LAMA1: variants seen among roughly 807,000 people sequenced by gnomAD.
LAMA1 encodes laminin subunit alpha-1.
In LAMA1, 219 loss-of-function variants were observed where a neutral mutation model predicts 348.7. That is an observed-to-expected ratio of 0.63 (90% confidence interval 0.56 to 0.70). The LOEUF (loss-of-function observed/expected upper bound fraction) is 0.70. LAMA1 is among the 30% of genes least tolerant of loss of function. The probability of loss-of-function intolerance (pLI) is 0.00; values close to 1 mark genes in which losing one functional copy is unlikely to be tolerated. For synonymous variants in LAMA1, 1,487 were observed against 1,491.0 expected (o/e 1.00, Z 0.06); for missense variants, 3,744 against 3,888.0 (o/e 0.96, Z 0.99).
intron 1 of LAMA1, among the ~76,000 whole-genome samples, chr18:7,081,895 T>C (rs913133711): frequency 2.6e-5 from 4 of 152,190 alleles, no homozygotes; most frequent in African/African-American, 9.6e-5. Context: ...GAAATGTTTA[T>C]TTTTCAGTGA....
At chr18:6,994,677 A>G (rs942762529) in intron 34 of LAMA1, among the ~76,000 whole-genome samples, 18 of 26,734 alleles carry the variant, frequency 6.7e-4, no homozygotes, top group African/African-American at 1.8e-3. Flanking sequence ...GTACAGACAC[A>G]CACACACACA....
chr18:6,990,460 A>C (rs1252581525), intron 36 of LAMA1, among the ~76,000 whole-genome samples: 1 of 152,070 alleles, frequency 6.6e-6, no homozygotes, highest in Non-Finnish European at 1.5e-5. Flanking sequence ...GAGGAAGGTT[A>C]GGGAGCAGAG....
chr18:7,115,102 G>C (rs776830441), intron 1 of LAMA1, among the ~76,000 whole-genome samples: 11 of 152,124 alleles, frequency 7.2e-5, no homozygotes, highest in Non-Finnish European at 1.5e-4. Context: ...CAACTGCTAC[G>C]ATCAATATTT....
chr18:7,049,669 A>G (rs781277307), intron 4 of LAMA1, among the ~76,000 whole-genome samples: 1 of 152,222 alleles, frequency 6.6e-6, no homozygotes, highest in East Asian at 1.9e-4. Flanking sequence ...TCTTTTAGAG[A>G]TACCATCTAA....
chr18:7,076,227 G>T (rs755874885), intron 3 of LAMA1, among the ~76,000 whole-genome samples: 2 of 152,122 alleles, frequency 1.3e-5, no homozygotes, highest in Non-Finnish European at 2.9e-5. Context: ...ATGTCAGTGA[G>T]ATCTAAGAAA....
intron 48 of LAMA1, among the ~76,000 whole-genome samples, chr18:6,970,023 G>A (rs547660104): frequency 6.6e-6 from 1 of 152,262 alleles, no homozygotes; most frequent in African/African-American, 2.4e-5. Context: ...CTTTCTAACA[G>A]TGAGGTTAAT....
In LAMA1 at chr18:6,942,007, G is replaced by C; in HGVS notation, c.*72C>G. 1 of 1,565,364 alleles carries C rather than the reference G, an allele frequency of 6.4e-7. No individual in the cohort carries two copies. Among genetic ancestry groups the C allele is most frequent in the Non-Finnish European group, 8.8e-7 (1 of 1,138,930 alleles). ...TTGGAAATGAAATATGAACTGAAGA[G>C]ATTCTTAATTCACACATACACTTCT... On this transcript the variant is annotated 3_prime_UTR_variant, in exon 63 of 63. Transcript: ENST00000389658.
intron 53 of LAMA1, chr18:6,960,329 T>G (rs760801097): frequency 1.3e-5 from 2 of 152,248 alleles, no homozygotes; most frequent in Non-Finnish European, 2.9e-5. Context: ...CAGTGGAATA[T>G]TACTCAGCCA....
intron 1 of LAMA1, among the ~76,000 whole-genome samples, chr18:7,096,717 C>G (rs1646767175): frequency 6.6e-6 from 1 of 152,112 alleles, no homozygotes; most frequent in Non-Finnish European, 1.5e-5. Context: ...TATAGAGCAA[C>G]TTTTGTCTAT....
At chr18:7,027,706 G>A (rs1301983104) in intron 16 of LAMA1, among the ~76,000 whole-genome samples, 1 of 152,178 alleles carries the variant, frequency 6.6e-6, no homozygotes, top group East Asian at 1.9e-4. Flanking sequence ...ACTTTGGTAG[G>A]CCAAGGCGGG....
intron 18 of LAMA1, among the ~76,000 whole-genome samples, chr18:7,023,641 G>A (rs1340592428): frequency 4.6e-5 from 7 of 152,058 alleles, no homozygotes; most frequent in Non-Finnish European, 8.8e-5. Context: ...TGACCACTCC[G>A]GATGCCGCAC....
chr18:6,968,753 G>A (rs2057645068), intron 48 of LAMA1, among the ~76,000 whole-genome samples: 1 of 152,150 alleles, frequency 6.6e-6, no homozygotes, highest in African/African-American at 2.4e-5. Flanking sequence ...CCATGTACAA[G>A]TGTAATAATA....
At chr18:7,064,267 A>G (rs1414455715) in intron 3 of LAMA1, among the ~76,000 whole-genome samples, 1 of 147,230 alleles carries the variant, frequency 6.8e-6, no homozygotes, top group Non-Finnish European at 1.5e-5. Context: ...ATATTTTATA[A>G]TAACACCCCC....
intron 29 of LAMA1, among the ~76,000 whole-genome samples, chr18:7,003,548 G>A (rs147370617): frequency 2.0e-5 from 3 of 152,188 alleles, no homozygotes; most frequent in East Asian, 3.9e-4. Flanking sequence ...GTGAGCCACC[G>A]TGCCCGGCCA....
rs755043525 is a variant in LAMA1, at chr18:7,117,649, G to A, written c.61+11C>T. Reference sequence around the variant, plus strand: ...GGGGGACAGGGACCCTAGGACCCGGGCCGGGCTCACCTCTCTGCCGGCACT... The same window carrying A: ...GGGGGACAGGGACCCTAGGACCCGGACCGGGCTCACCTCTCTGCCGGCACT... On this transcript the variant is annotated intron_variant, in intron 1 of 62. Transcript: ENST00000389658. 1 of 1,596,764 alleles carries A rather than the reference G, an allele frequency of 6.3e-7. No individual in the cohort carries two copies. The highest frequency in any genetic ancestry group is 8.5e-7 in the Non-Finnish European group (1 of 1,178,228).
Position 7,037,698 on chromosome 18 carries a change from G to A in LAMA1, c.1617C>T (p.Ile539=). The A allele has an allele frequency of 6.2e-7, 1 of 1,614,150 alleles. No homozygotes were observed. Among genetic ancestry groups the A allele is most frequent in the Non-Finnish European group, 8.5e-7 (1 of 1,180,022 alleles). ...LVTDLISPRK[I]PSQQDALGGR... ...CGCCTAGTGCATCTTGCTGAGACGG[G>A]ATCTTCCTGGGACTGATCAAGTCGG... Residue 539 remains isoleucine (I), a synonymous_variant, in exon 12 of 63, where the codon ATC becomes ATT. Transcript: ENST00000389658.
intron 1 of LAMA1, among the ~76,000 whole-genome samples, chr18:7,115,814 C>CAAAAAAAAAAAAAAACAAAAA (rs2058353424): frequency 1.1e-5 from 1 of 94,840 alleles, no homozygotes; most frequent in Non-Finnish European, 2.1e-5. Context: ...ACTAAAAATA[C>CAAAAAAAAAAAAAAACAAAAA]AAAAAAAAAA....
chr18:7,021,140 G>A (rs536906147), intron 19 of LAMA1, among the ~76,000 whole-genome samples: 11 of 152,200 alleles, frequency 7.2e-5, no homozygotes, highest in African/African-American at 2.6e-4. Context: ...TCTTCTTGGG[G>A]CTCTTCTTCC....
At chr18:7,048,108 C>T (rs2058049069) in intron 5 of LAMA1, among the ~76,000 whole-genome samples, 1 of 152,046 alleles carries the variant, frequency 6.6e-6, no homozygotes, top group South Asian at 2.1e-4. Context: ...GATATGTTTG[C>T]AATATATACA....
Sources: allele counts gnomAD v4.1 joint callset (sites outside exome capture counted in the v4.1 genomes callset), GRCh38; gene constraint gnomAD v4.1.1; transcripts MANE v1.5; gene names NCBI Gene and HGNC (gene_info 2026-07-23, HGNC 2026-07-21).